NOL4: variants seen among roughly 807,000 people sequenced by gnomAD.
NOL4 encodes the protein cancer/testis antigen 125.
In NOL4, 17 loss-of-function variants were observed where a neutral mutation model predicts 75.9. The ratio of observed to expected loss-of-function variants is 0.22; its 90% CI spans 0.15 to 0.34. The LOEUF is 0.34. NOL4 is among the 10% of genes least tolerant of loss of function. The pLI is 1.00. For missense variants in NOL4, 614 were observed against 793.5 expected, an observed-to-expected ratio of 0.77 and a Z score of 2.72; for synonymous variants, 292 against 289.9, an observed-to-expected ratio of 1.01 and a Z score of -0.07.
At chr18:34,033,486 A>C (rs2075741611) in intron 5 of NOL4, among the ~76,000 whole-genome samples, 1 of 152,108 alleles carries the variant, frequency 6.6e-6, no homozygotes, top group Non-Finnish European at 1.5e-5. Flanking sequence ...GTCTTTCAAA[A>C]TAACCTTGTC....
chr18:33,886,417 AC>A (rs2064658523), intron 9 of NOL4, among the ~76,000 whole-genome samples: 1 of 151,470 alleles, frequency 6.6e-6, no homozygotes, highest in African/African-American at 2.4e-5. Context: ...AATCCCAGCT[AC>A]TCAGGAGGCT....
chr18:33,938,997 C>T (rs2068267807), intron 9 of NOL4, among the ~76,000 whole-genome samples: 1 of 152,080 alleles, frequency 6.6e-6, no homozygotes. Flanking sequence ...CTGAGTATGG[C>T]TATCCAGTTT....
intron 9 of NOL4, among the ~76,000 whole-genome samples, chr18:33,905,269 C>T (rs1186251090): frequency 6.6e-6 from 1 of 152,092 alleles, no homozygotes; most frequent in African/African-American, 2.4e-5. Flanking sequence ...CAGGAGGGGT[C>T]TTCTTAAAGA....
chr18:33,944,189 G>A (rs952619192), intron 8 of NOL4, among the ~76,000 whole-genome samples: 17 of 151,908 alleles, frequency 1.1e-4, no homozygotes, highest in South Asian at 2.1e-4. Flanking sequence ...AGCCTCAAAC[G>A]AAAATATGTG....
intron 10 of NOL4, among the ~76,000 whole-genome samples, chr18:33,877,826 T>TTGTGTGTGTGTG (rs113939972): frequency 4.1e-5 from 6 of 148,134 alleles, no homozygotes; most frequent in African/African-American, 1.5e-4. Context: ...TGTTGTGTGA[T>TTGTGTGTGTGTG]TGTGTGTGTG....
At chr18:34,102,477 T>C (rs1211497741) in intron 4 of NOL4, among the ~76,000 whole-genome samples, 1 of 152,094 alleles carries the variant, frequency 6.6e-6, no homozygotes, top group African/African-American at 2.4e-5. Context: ...ATAATCTAAC[T>C]AGTCATTTAT....
chr18:34,189,682 A>G (rs184863616), intron 1 of NOL4, among the ~76,000 whole-genome samples: 76 of 152,308 alleles, frequency 5.0e-4, no homozygotes, highest in African/African-American at 1.5e-3. Flanking sequence ...AAATTAATGT[A>G]TTCTATTTAG....
At chr18:34,085,559 TG>T (rs2078205928) in intron 5 of NOL4, among the ~76,000 whole-genome samples, 1 of 152,138 alleles carries the variant, frequency 6.6e-6, no homozygotes, top group Non-Finnish European at 1.5e-5. Flanking sequence ...GTCTCTAGGG[TG>T]TGGCAAGTTT....
chr18:34,043,172 T>C (rs1430786968), intron 5 of NOL4, among the ~76,000 whole-genome samples: 1 of 152,116 alleles, frequency 6.6e-6, no homozygotes, highest in Non-Finnish European at 1.5e-5. Flanking sequence ...ATTTTCTTCA[T>C]GTACATACAG....
intron 5 of NOL4, among the ~76,000 whole-genome samples, chr18:34,087,525 C>T (rs1248948103): frequency 6.6e-6 from 1 of 151,948 alleles, no homozygotes; most frequent in Non-Finnish European, 1.5e-5. Flanking sequence ...AAAGCTTGAA[C>T]CATCAGTTCA....
chr18:33,958,475 TTA>T, intron 6 of NOL4, 57 bp from the exon 7 acceptor site: 1 of 1,425,212 alleles, frequency 7.0e-7, no homozygotes. Flanking sequence ...CTTATAAGTT[TTA>T]TGTTTCATCT....
chr18:33,998,708 C>A (rs1191488804), intron 6 of NOL4, among the ~76,000 whole-genome samples: 1 of 152,096 alleles, frequency 6.6e-6, no homozygotes, highest in Non-Finnish European at 1.5e-5. Context: ...GGCACAGGTT[C>A]AGTATGTCCA....
At chr18:34,131,413 A>G (rs1343766157) in intron 1 of NOL4, among the ~76,000 whole-genome samples, 1 of 152,110 alleles carries the variant, frequency 6.6e-6, no homozygotes, top group Non-Finnish European at 1.5e-5. Flanking sequence ...TCAAAGAGCT[A>G]AAAACACAAT....
chr18:33,870,648 C>G (rs1332001340), intron 10 of NOL4, among the ~76,000 whole-genome samples: 1 of 151,802 alleles, frequency 6.6e-6, no homozygotes, highest in Non-Finnish European at 1.5e-5. Context: ...AGTATGACCT[C>G]CTTCACAATT....
chr18:33,983,672 A>C (rs1218347344), intron 6 of NOL4, among the ~76,000 whole-genome samples: 5 of 152,068 alleles, frequency 3.3e-5, no homozygotes, highest in Non-Finnish European at 7.4e-5. Flanking sequence ...ATATGTAAAC[A>C]TGCATAATAT....
chr18:33,866,787 C>A (rs2063447661), intron 10 of NOL4, among the ~76,000 whole-genome samples: 2 of 152,070 alleles, frequency 1.3e-5, no homozygotes, highest in South Asian at 4.1e-4. Context: ...AGAAGAGTTA[C>A]TTTTTAACTT....
intron 10 of NOL4, among the ~76,000 whole-genome samples, chr18:33,860,184 A>C (rs764675539): frequency 6.6e-6 from 1 of 152,076 alleles, no homozygotes; most frequent in Non-Finnish European, 1.5e-5. Flanking sequence ...CCATGGTCCA[A>C]TAACTTCCCA....
chr18:33,898,211 C>T (rs941921397), intron 9 of NOL4, among the ~76,000 whole-genome samples: 1 of 152,176 alleles, frequency 6.6e-6, no homozygotes, highest in African/African-American at 2.4e-5. Flanking sequence ...CTGTGCCCAA[C>T]CAAAAATATT....
intron 5 of NOL4, among the ~76,000 whole-genome samples, chr18:34,086,596 C>T (rs2078254488): frequency 6.6e-6 from 1 of 152,112 alleles, no homozygotes; most frequent in Non-Finnish European, 1.5e-5. Context: ...GCACATAGTT[C>T]TTGCTTTTAC....
Sources: allele counts gnomAD v4.1 joint callset (sites outside exome capture counted in the v4.1 genomes callset), GRCh38; gene constraint gnomAD v4.1.1; transcripts MANE v1.5; gene names NCBI Gene and HGNC (gene_info 2026-07-23, HGNC 2026-07-21).